The following PTPRD variants were observed in gnomAD, a reference collection of about 807,000 sequenced individuals.
PTPRD encodes protein tyrosine phosphatase receptor type D, also known as receptor-type tyrosine-protein phosphatase delta.
In PTPRD, 34 loss-of-function variants were observed where a neutral mutation model predicts 214.5. The observed-to-expected ratio is 0.16, with a 90% CI of 0.12 to 0.21. PTPRD has a LOEUF of 0.21. PTPRD is among the 10% of genes least tolerant of loss of function. The pLI, the probability that PTPRD is intolerant of heterozygous loss-of-function variation, is 1.00. For missense variants in PTPRD, 2,545 were observed against 2,398.7 expected (o/e 1.06, Z -1.27); for synonymous variants, 1,128 against 845.7 (o/e 1.33, Z -5.79).
At chr9:10,483,765 T>A (rs1237313400) in intron 2 of PTPRD, among the ~76,000 whole-genome samples, 1 of 151,936 alleles carries the variant, frequency 6.6e-6, no homozygotes, top group Non-Finnish European at 1.5e-5. Flanking sequence ...TATTAAAAAG[T>A]CAAAAAACAA....
rs375576777 is a variant in PTPRD, at chr9:8,579,454, CTGTT to C, written c.353-50679_353-50676del. Among the ~76,000 whole-genome samples, 51 of 152,280 alleles carry C rather than the reference CTGTT, an allele frequency of 3.3e-4. 1 individual carries two copies. The East Asian group carries it at 9.7e-3, about 29-fold the overall frequency. On this transcript the variant is annotated intron_variant, in intron 14 of 45. Coordinates refer to ENST00000381196, the MANE Select transcript of PTPRD (RefSeq NM_002839.4). ...AAATATGCCCAAGAAAAACTGGTGACTGTTCATTCATTCCACGTTCATTTGTTCA... is the reference window on the plus strand; with the variant it reads ...AAATATGCCCAAGAAAAACTGGTGACCATTCATTCCACGTTCATTTGTTCA...
intron 2 of PTPRD, among the ~76,000 whole-genome samples, chr9:10,491,698 A>G (rs377371025): frequency 6.6e-6 from 1 of 151,820 alleles, no homozygotes; most frequent in East Asian, 1.9e-4. Context: ...ATATGCCACA[A>G]TTTTCAGGGT....
intron 10 of PTPRD, among the ~76,000 whole-genome samples, chr9:9,090,304 C>T (rs1209402775): frequency 5.3e-5 from 8 of 152,112 alleles, no homozygotes; most frequent in South Asian, 2.1e-4. Flanking sequence ...AGTGAGAACA[C>T]GCAATATTTG....
intron 39 of PTPRD, among the ~76,000 whole-genome samples, chr9:8,342,282 AG>A (rs1012410646): frequency 2.6e-5 from 4 of 152,080 alleles, no homozygotes; most frequent in Non-Finnish European, 5.9e-5. Context: ...AAACTTTTGA[AG>A]TCATTATGAA....
chr9:9,550,846 A>G (rs1438006222), intron 8 of PTPRD, among the ~76,000 whole-genome samples: 1 of 151,974 alleles, frequency 6.6e-6, no homozygotes, highest in African/African-American at 2.4e-5. Flanking sequence ...ACATGAAAAT[A>G]TGTTCAATAT....
intron 5 of PTPRD, among the ~76,000 whole-genome samples, chr9:9,869,542 T>G (rs147980797): frequency 2.2e-4 from 34 of 152,224 alleles, no homozygotes; most frequent in Middle Eastern, 3.4e-3. Flanking sequence ...GTATCTGACA[T>G]TGTATGTTTC....
chr9:10,228,274 G>T (rs555772564), intron 3 of PTPRD, among the ~76,000 whole-genome samples: 2 of 152,094 alleles, frequency 1.3e-5, no homozygotes, highest in Admixed American at 1.3e-4. Context: ...AAGCTTTCCT[G>T]TTAATGTTTG....
At chr9:8,553,877 C>A (rs1033728918) in intron 14 of PTPRD, among the ~76,000 whole-genome samples, 1 of 152,106 alleles carries the variant, frequency 6.6e-6, no homozygotes, top group Admixed American at 6.6e-5. Context: ...CAGTCTCTTA[C>A]GAAATTCAGA....
intron 12 of PTPRD, 42 bp from the exon 13 acceptor site, chr9:8,636,886 A>C: frequency 1.3e-6 from 2 of 1,599,580 alleles, no homozygotes; most frequent in Non-Finnish European, 8.6e-7. Context: ...TGAAAACTGA[A>C]ATACAGACTA....
chr9:10,430,010 T>A (rs1314642295), intron 2 of PTPRD, among the ~76,000 whole-genome samples: 3 of 151,956 alleles, frequency 2.0e-5, no homozygotes, highest in African/African-American at 7.2e-5. Context: ...TTACCACTAA[T>A]TCCTATATTT....
chr9:10,057,469 T>C (rs919616802), intron 3 of PTPRD, among the ~76,000 whole-genome samples: 3 of 151,290 alleles, frequency 2.0e-5, no homozygotes, highest in African/African-American at 7.3e-5. Context: ...TTCGCACTCT[T>C]TCTTTCATAG....
At chr9:9,565,400 T>C (rs986039533) in intron 8 of PTPRD, among the ~76,000 whole-genome samples, 8 of 151,900 alleles carry the variant, frequency 5.3e-5, no homozygotes, top group African/African-American at 1.7e-4. Flanking sequence ...ATTGCATGTA[T>C]TGAATGATGT....
chr9:8,735,738 C>T (rs559189453), intron 11 of PTPRD, among the ~76,000 whole-genome samples: 4 of 151,888 alleles, frequency 2.6e-5, no homozygotes, highest in South Asian at 2.1e-4. Context: ...GGTGAAACTC[C>T]GTCTCTACTA....
Position 9,417,718 on chromosome 9 carries a change from T to A in PTPRD, c.-236-20236A>T, listed in dbSNP as rs374122505. ...GAAATGCTAGTCTATTTTTTTAAAA[T>A]TGCATTTAGAAAGTCATTTAACCTC... On this transcript the variant is annotated intron_variant, in intron 8 of 45. Coordinates refer to ENST00000381196, the MANE Select transcript of PTPRD (RefSeq NM_002839.4). Among the ~76,000 whole-genome samples, 249 of 152,226 alleles carry A rather than the reference T, an allele frequency of 1.6e-3. 3 individuals are homozygous for A. In the South Asian group the frequency reaches 0.049, roughly 30 times the overall value.
At chr9:9,398,601 CA>C (rs2068841468) in intron 8 of PTPRD, among the ~76,000 whole-genome samples, 1 of 151,696 alleles carries the variant, frequency 6.6e-6, no homozygotes, top group African/African-American at 2.4e-5. Context: ...CTTAGTTTAA[CA>C]AAAAAATAAA....
rs529220099 is a variant in PTPRD, at chr9:9,517,237, T to A, written c.-237+57495A>T. On this transcript the variant is annotated intron_variant, in intron 8 of 45. Coordinates refer to ENST00000381196, the MANE Select transcript of PTPRD (RefSeq NM_002839.4). Reference sequence around the variant, plus strand: ...ACTCTCTGTGTATCCACTACCCAACTCACTGCATAGTTAGAAACAAGAGAC... The same window carrying A: ...ACTCTCTGTGTATCCACTACCCAACACACTGCATAGTTAGAAACAAGAGAC... Among the ~76,000 whole-genome samples, 3 of 152,196 alleles carry A rather than the reference T, an allele frequency of 2.0e-5. No homozygotes were observed. The East Asian group carries it at 5.8e-4, about 30-fold the overall frequency.
chr9:9,370,042 C>T (rs142629938), intron 9 of PTPRD, among the ~76,000 whole-genome samples: 16,437 of 152,052 alleles, frequency 0.11, 1,153 homozygotes, highest in South Asian at 0.16. Flanking sequence ...AGTCAGGTAG[C>T]GTGATGCCTC....
At chr9:8,726,039 AC>A (rs879496404) in intron 12 of PTPRD, among the ~76,000 whole-genome samples, 9 of 147,760 alleles carry the variant, frequency 6.1e-5, no homozygotes, top group Non-Finnish European at 1.3e-4. Context: ...ACACACACAC[AC>A]ACACACACAC....
chr9:8,953,147 G>A (rs1162876551), intron 11 of PTPRD, among the ~76,000 whole-genome samples: 1 of 151,838 alleles, frequency 6.6e-6, no homozygotes, highest in Non-Finnish European at 1.5e-5. Context: ...TCATAACAAG[G>A]GTGACTAAGC....
Sources: allele counts gnomAD v4.1 joint callset (sites outside exome capture counted in the v4.1 genomes callset), GRCh38; gene constraint gnomAD v4.1.1; transcripts MANE v1.5; gene names NCBI Gene and HGNC (gene_info 2026-07-23, HGNC 2026-07-21).